Variants in ZBTB7A observed in about 807,000 individuals in gnomAD.
The protein encoded by ZBTB7A is zinc finger and BTB domain containing 7A.
Under a neutral mutation model 26.7 loss-of-function variants are expected in ZBTB7A, and 7 were observed. The ratio of observed to expected loss-of-function variants is 0.26; its 90% confidence interval spans 0.15 to 0.49. The LOEUF (loss-of-function observed/expected upper bound fraction) is 0.49, where lower values mean the gene tolerates loss of function less well. ZBTB7A is among the 20% of genes least tolerant of loss of function. The pLI is 0.98. For synonymous variants in ZBTB7A, 452 were observed against 441.0 expected (o/e 1.02, Z -0.31); for missense variants, 617 against 919.5 (o/e 0.67, Z 4.25).
At chr19:4,064,230 A>G (rs896235433) in intron 1 of ZBTB7A, among the ~76,000 whole-genome samples, 1 of 152,114 alleles carries the variant, frequency 6.6e-6, no homozygotes, top group Non-Finnish European at 1.5e-5. Flanking sequence ...CTGAATAATA[A>G]ATACCCCCCG....
intron 2 of ZBTB7A, among the ~76,000 whole-genome samples, chr19:4,051,861 G>A (rs992664574): frequency 2.6e-5 from 4 of 152,216 alleles, no homozygotes; most frequent in South Asian, 2.1e-4. Context: ...ACGCAGAGGC[G>A]GGGTGGGGGC....
Position 4,054,752 on chromosome 19 carries a change from G to T in ZBTB7A, c.481C>A (p.Leu161Ile). ...ATGGGGTTGCTCTGGAAGAACTCGA[G>T]GTACTCCTTGGCGCGGAGGAGGTTG... Reference protein sequence around the residue: ...QRNLLRAKEYLEFFQSNPMNS... With the variant: ...QRNLLRAKEYIEFFQSNPMNS... Residue 161 changes from leucine to isoleucine, a missense_variant, in exon 2 of 3, where the codon CTC becomes ATC. Transcript: ENST00000322357. The T allele has an allele frequency of 6.4e-7, 1 of 1,570,060 alleles. No homozygotes were observed. The highest frequency in any genetic ancestry group is 8.6e-7 in the Non-Finnish European group (1 of 1,157,168).
chr19:4,047,796 G>C lies in ZBTB7A; in HGVS notation c.1711C>G (p.Pro571Ala), dbSNP rs773321856. The change falls in exon 3 of 3, where the codon CCC becomes GCC. Residue 571 changes from proline (P) to alanine (A), a missense_variant. Coordinates refer to ENST00000322357, the MANE Select transcript of ZBTB7A (RefSeq NM_015898.4). ...AAGTTACCGTCGGTGGCGGCCCCGG[G>C]GCCACCTCCGCTGTCACCTCCTCCA... is the stretch of plus-strand genomic sequence containing the variant. The part of the protein sequence containing the change: ...AGGGGDSGGG[P>A]GAATDGNFTA... 8.7e-6 allele frequency: 14 copies of C among 1,600,632 alleles called. No individual in the cohort carries two copies. Among genetic ancestry groups the C allele is most frequent in the Non-Finnish European group, 1.2e-5 (14 of 1,174,408 alleles).
At chr19:4,066,299 T>C (rs907149085) in intron 1 of ZBTB7A, among the ~76,000 whole-genome samples, 13 of 144,616 alleles carry the variant, frequency 9.0e-5, no homozygotes, top group South Asian at 2.2e-4. Flanking sequence ...CGTCTTCAGC[T>C]GGAAACTTAG....
chr19:4,054,834 C>A lies in ZBTB7A; in HGVS notation c.399G>T (p.Ala133=). 1 of 1,604,962 alleles carries A rather than the reference C, an allele frequency of 6.2e-7. No homozygotes were observed. Among genetic ancestry groups the A allele is most frequent in the East Asian group, 2.2e-5 (1 of 44,462 alleles). ...GCCCGGCGTCGGCGCCCGCGTCGGC[C>A]GCCAGGATCTGCCGGTCCAGGAGGT... is the stretch of plus-strand genomic sequence containing the variant. ...CADLLDRQIL[A]ADAGADAGQL... Residue 133 remains alanine, a synonymous_variant, in exon 2 of 3, where the codon GCG becomes GCT. Coordinates refer to ENST00000322357, the MANE Select transcript of ZBTB7A (RefSeq NM_015898.4).
In ZBTB7A at chr19:4,048,028, G is replaced by A. The variant is rs778289959; in HGVS notation, c.1479C>T (p.Val493=). 2.6e-6 allele frequency: 4 copies of A among 1,515,032 alleles called. No individual in the cohort carries two copies. The highest frequency in any genetic ancestry group is 3.5e-6 in the Non-Finnish European group (4 of 1,129,494). 93.8% of individuals were successfully genotyped at this position (1,515,032 alleles called of 1,614,324 possible). A position where few individuals can be genotyped will look rare whatever the true frequency, so the allele number is the denominator to read the frequency against. Residue 493 remains valine (V), a synonymous_variant, in exon 3 of 3, where the codon GTC becomes GTT. Transcript: ENST00000322357. This position sits in a 1 kb window ranked among gnomAD's most constrained non-coding sequence, Gnocchi z 6.7. ...RHLKKDGCNG[V]PSRRGRKPRV... ...GGGGCTTGCGGCCGCGGCGCGAGGG[G>A]ACGCCGTTGCAGCCGTCTTTCTTGA...
At position 4,054,231 on chromosome 19, in the gene ZBTB7A, C is replaced by T. The variant is rs1173121935; in HGVS notation, c.1002G>A (p.Ala334=). The T allele has an allele frequency of 1.9e-6, 3 of 1,583,344 alleles. No homozygotes were observed. The highest frequency in any genetic ancestry group is 2.2e-5 in the East Asian group (1 of 44,506). The part of the protein sequence containing the change: ...MSSVGRAGAA[A]GDSDEESRAD... ...CCCGCGACTCCTCGTCGCTGTCCCC[C>T]GCCGCGGCCCCCGCCCGGCCCACCG... The change falls in exon 2 of 3, where the codon GCG becomes GCA. Residue 334 remains alanine (A), a synonymous_variant. Transcript: ENST00000322357.
At position 4,047,864 on chromosome 19, in the gene ZBTB7A, G is replaced by A. The variant is rs773270046; in HGVS notation, c.1643C>T (p.Ala548Val). Residue 548 changes from alanine (A) to valine (V), a missense_variant, in exon 3 of 3, where the codon GCC (alanine) becomes GTC (valine). Ala to Val is a moderately conservative substitution (Grantham distance 64, BLOSUM62 0). Transcript: ENST00000322357. ...CAACCGGCCCAAGCCGTCGGGGCTGGCCACGTCCTCGTCCTCGTCCTCGTC... is the reference window on the plus strand; with the variant it reads ...CAACCGGCCCAAGCCGTCGGGGCTGACCACGTCCTCGTCCTCGTCCTCGTC... ...FKDEDEDEDV[A>V]SPDGLGRLNV... 3 of 1,604,110 alleles carry A rather than the reference G, an allele frequency of 1.9e-6. No individual in the cohort carries two copies. Among genetic ancestry groups the A allele is most frequent in the Non-Finnish European group, 2.6e-6 (3 of 1,176,088 alleles).
Position 4,054,113 on chromosome 19 carries a change from TCTC to T in ZBTB7A, c.1117_1119del (p.Glu373del). ...TGGAAGGCCTTGGCTCGGATCTTCT[TCTC>T]CACCTTCTGCGACCAGGCCGGGTAG... is the stretch of plus-strand genomic sequence containing the variant. On this transcript the variant is annotated inframe_deletion, in exon 2 of 3. Transcript: ENST00000322357. The T allele has an allele frequency of 6.2e-7, 1 of 1,608,772 alleles. No homozygotes were observed. The highest frequency in any genetic ancestry group is 8.5e-7 in the Non-Finnish European group (1 of 1,179,840).
intron 2 of ZBTB7A, among the ~76,000 whole-genome samples, chr19:4,053,535 G>A (rs2040528694): frequency 2.0e-5 from 3 of 150,080 alleles, no homozygotes; most frequent in South Asian, 4.2e-4. Flanking sequence ...GTGCGTGCAT[G>A]TGTATGTGAT....
Position 4,048,305 on chromosome 19 carries a change from A to G in ZBTB7A, c.1263-61T>C. 1 of 1,498,398 alleles carries G rather than the reference A, an allele frequency of 6.7e-7. No homozygotes were observed. Among genetic ancestry groups the G allele is most frequent in the East Asian group, 2.6e-5 (1 of 37,880 alleles). 92.8% of individuals were successfully genotyped at this position (1,498,398 alleles called of 1,614,324 possible). On this transcript the variant is annotated intron_variant, in intron 2 of 2. Transcript: ENST00000322357. The surrounding 1 kb of genome is among the most constrained non-coding windows in gnomAD (Gnocchi z 6.7). ...GGCCGGGGACCCCCGATCCCCGCCC[A>G]GGGACCCTCACGGACACGGCAGGCC...
chr19:4,063,419 G>A (rs1422547153), intron 1 of ZBTB7A, among the ~76,000 whole-genome samples: 2 of 152,184 alleles, frequency 1.3e-5, no homozygotes, highest in African/African-American at 4.8e-5. Context: ...AGCCCTGCCC[G>A]CCTCTGAGGA....
At chr19:4,055,449 C>T (rs1273275361) in intron 1 of ZBTB7A, 2 of 985,250 alleles carry the variant, frequency 2.0e-6, no homozygotes, top group Non-Finnish European at 2.4e-6. Context: ...CGATACATGC[C>T]CTGCCTCCAG....
chr19:4,065,349 C>G (rs1409627006), intron 1 of ZBTB7A: 4 of 145,798 alleles, frequency 2.7e-5, no homozygotes, highest in Non-Finnish European at 6.1e-5. Context: ...GAAGCGGCCC[C>G]CTCCCCCGCC....
rs776732413 is a variant in ZBTB7A, at chr19:4,054,339, C to A, written c.894G>T (p.Ser298=). Residue 298 remains serine (S), a synonymous_variant, in exon 2 of 3, where the codon TCG becomes TCT. Transcript: ENST00000322357. ...PEPGDSPGFL[S]GAAEGEDGDG... is the part of the protein sequence containing the mutation. The stretch of plus-strand genomic sequence containing the variant: ...CCCCGTCCTCGCCCTCGGCCGCTCC[C>A]GACAGGAAGCCCGGAGAGTCGCCCG... The A allele has an allele frequency of 2.6e-3, 3,840 of 1,505,666 alleles. 6 individuals carry two copies. The highest frequency in any genetic ancestry group is 3.2e-3 in the Non-Finnish European group (3,581 of 1,135,410). 93.3% of individuals were successfully genotyped at this position (1,505,666 alleles called of 1,614,324 possible).
chr19:4,060,564 TGTGTC>T (rs1243167889), intron 1 of ZBTB7A, among the ~76,000 whole-genome samples: 9 of 152,166 alleles, frequency 5.9e-5, no homozygotes, highest in Non-Finnish European at 1.5e-5. Context: ...CTGCGGGGGA[TGTGTC>T]GTGAGCTCGG....
rs2040413786 is a variant in ZBTB7A, at chr19:4,046,157, A to G, written c.*1595T>C. On this transcript the variant is annotated 3_prime_UTR_variant, in exon 3 of 3. Coordinates refer to ENST00000322357, the MANE Select transcript of ZBTB7A (RefSeq NM_015898.4). Reference sequence around the variant, plus strand: ...GACCTCTTCACGTCAGAACCAAAAAAGGGGACAGAAAGGGGGAGCGGGGGG... The same window carrying G: ...GACCTCTTCACGTCAGAACCAAAAAGGGGGACAGAAAGGGGGAGCGGGGGG... The G allele has an allele frequency of 2.5e-6, 1 of 397,874 alleles. No homozygotes were observed. Among genetic ancestry groups the G allele is most frequent in the Non-Finnish European group, 4.4e-6 (1 of 225,462 alleles). 24.6% of individuals were successfully genotyped at this position (397,874 alleles called of 1,614,324 possible).
chr19:4,062,426 C>T (rs534933732), intron 1 of ZBTB7A, among the ~76,000 whole-genome samples: 2 of 152,320 alleles, frequency 1.3e-5, no homozygotes, highest in East Asian at 3.9e-4. Flanking sequence ...ACCCACGGTA[C>T]GTGACGGCAC....
rs1460441451 is a variant in ZBTB7A at position 4,044,669 on chromosome 19, TTC to T, written c.*3081_*3082del. On this transcript the variant is annotated 3_prime_UTR_variant, in exon 3 of 3. Transcript: ENST00000322357. ...TGGAAATAACAATTTCGCATTGTTT[TTC>T]TTTTTTTTTTTTCTCTTTTTTTTTT... 3.2e-4 allele frequency: 7 copies of T among 22,000 alleles called. No homozygotes were observed. The highest frequency in any genetic ancestry group is 1.2e-3 in the African/African-American group (5 of 4,302). 1.4% of individuals were successfully genotyped at this position (22,000 alleles called of 1,614,324 possible).
Sources: gnomAD v4.1 joint callset for allele counts (sites outside exome capture counted in the v4.1 genomes callset) on GRCh38, gnomAD v4.1.1 for gene constraint, Gnocchi (gnomAD v3.1) non-coding constraint, MANE v1.5 for transcripts, NCBI Gene and HGNC (gene_info 2026-07-23, HGNC 2026-07-21) for gene names.